Variants in MCM10 observed in about 807,000 individuals in gnomAD.
The protein encoded by MCM10 is minichromosome maintenance 10 replication initiation factor.
A neutral mutation model predicts 109.9 loss-of-function variants in MCM10; 91 were observed. The ratio of observed to expected loss-of-function variants is 0.83; its 90% CI spans 0.70 to 0.99. The LOEUF is 0.99. Among genes scored for constraint, MCM10 ranks in the 50% least tolerant of loss-of-function variants. The pLI is 0.00. For synonymous variants in MCM10, 380 were observed against 387.2 expected, an observed-to-expected ratio of 0.98 and a Z score of 0.22; for missense variants, 1,077 against 1,061.2, an observed-to-expected ratio of 1.01 and a Z score of -0.21.
Position 13,209,000 on chromosome 10 carries a change from G to A in MCM10, c.2499-91G>A. ...TTGAACAGCTTCTCCTTGAATGGGGGCCTACTCTCCCCAGGTGCAGTGAGC... is the reference window on the plus strand; with the variant it reads ...TTGAACAGCTTCTCCTTGAATGGGGACCTACTCTCCCCAGGTGCAGTGAGC... On this transcript the variant is annotated intron_variant, in intron 18 of 19. Transcript: ENST00000378714. The A allele has an allele frequency of 3.5e-6, 3 of 859,708 alleles. No homozygotes were observed. The South Asian group carries it at 4.1e-5, about 12-fold the overall frequency. 53.3% of individuals were successfully genotyped at this position (859,708 alleles called of 1,614,324 possible).
rs772965566 is a variant in MCM10 at position 13,192,282 on chromosome 10, C to T, written c.1544C>T (p.Ser515Phe). 2.5e-6 allele frequency: 4 copies of T among 1,614,126 alleles called. No homozygotes were observed. Among genetic ancestry groups the T allele is most frequent in the Non-Finnish European group, 3.4e-6 (4 of 1,179,958 alleles). ...LGIPQKSLSCSEEFKELMDLP... is the reference protein window; with the variant it reads ...LGIPQKSLSCFEEFKELMDLP... The stretch of plus-strand genomic sequence containing the variant: ...ATACCCCAGAAGAGCCTGTCTTGCT[C>T]TGAGGAGTTCAAGGAACTGATGGAC... The change falls in exon 12 of 20, where the codon TCT becomes TTT. Residue 515 changes from serine (S) to phenylalanine (F), a missense_variant. Physicochemically the swap from Ser to Phe is radical, Grantham distance 155. Coordinates refer to ENST00000378714, the MANE Select transcript of MCM10 (RefSeq NM_018518.5).
At chr10:13,204,849 A>C (rs1002966465) in intron 18 of MCM10, among the ~76,000 whole-genome samples, 2 of 152,040 alleles carry the variant, frequency 1.3e-5, no homozygotes, top group Admixed American at 6.6e-5. Context: ...AAATAGTGTC[A>C]TATTTGCATA....
At chr10:13,200,207 T>C (rs189304808) in intron 16 of MCM10, among the ~76,000 whole-genome samples, 9 of 152,090 alleles carry the variant, frequency 5.9e-5, no homozygotes, top group Middle Eastern at 3.4e-3. Context: ...TGCACAAATA[T>C]TGTAGGGTTG....
At chr10:13,193,639 A>G (rs1451771637) in intron 13 of MCM10, among the ~76,000 whole-genome samples, 1 of 152,156 alleles carries the variant, frequency 6.6e-6, no homozygotes, top group African/African-American at 2.4e-5. Flanking sequence ...ATTCTTTGGG[A>G]AAGTAAGAGA....
intron 2 of MCM10, among the ~76,000 whole-genome samples, chr10:13,168,230 G>A (rs1834027342): frequency 6.6e-6 from 1 of 152,222 alleles, no homozygotes; most frequent in African/African-American, 2.4e-5. Context: ...ACAGGGGGCT[G>A]CCTGGCCTCT....
chr10:13,182,234 G>A lies in MCM10; in HGVS notation c.931-699G>A, dbSNP rs1834218261. ...CACGTCTGTAACCCTAACGCTTTGA[G>A]AGGATGGGGTGGGAGGATCACTTGA... On this transcript the variant is annotated intron_variant, in intron 7 of 19. Coordinates refer to ENST00000378714, the MANE Select transcript of MCM10 (RefSeq NM_018518.5). The surrounding 1 kb of genome is among the most constrained non-coding windows in gnomAD (Gnocchi z 4.2). Among the ~76,000 whole-genome samples, 1 of 152,146 alleles carries A rather than the reference G, an allele frequency of 6.6e-6. No individual in the cohort carries two copies. The highest frequency in any genetic ancestry group is 1.5e-5 in the Non-Finnish European group (1 of 68,030).
At chr10:13,176,801 G>A (rs1361455326) in intron 6 of MCM10, among the ~76,000 whole-genome samples, 1 of 152,164 alleles carries the variant, frequency 6.6e-6, no homozygotes, top group African/African-American at 2.4e-5. Context: ...TGCTGAGGCA[G>A]GAAGTTCGCT....
intron 14 of MCM10, among the ~76,000 whole-genome samples, chr10:13,197,395 A>G (rs966323894): frequency 3.9e-5 from 6 of 152,210 alleles, no homozygotes; most frequent in East Asian, 1.9e-4. Context: ...CAAACTTGTT[A>G]TATTTAAATA....
At chr10:13,208,579 AAAAG>A (rs1834615786) in intron 18 of MCM10, among the ~76,000 whole-genome samples, 1 of 149,044 alleles carries the variant, frequency 6.7e-6, no homozygotes, top group Non-Finnish European at 1.5e-5. Flanking sequence ...AAAAAAAAAA[AAAAG>A]GAAAAGAAAA....
At chr10:13,175,787 A>G in intron 6 of MCM10, 106 bp downstream of exon 6, 2 of 781,414 alleles carry the variant, frequency 2.6e-6, no homozygotes, top group Non-Finnish European at 4.1e-6. Flanking sequence ...ACAAAACACC[A>G]GCAGCTCTTG....
chr10:13,203,594 G>A (rs1055830151), intron 17 of MCM10, among the ~76,000 whole-genome samples: 7 of 152,104 alleles, frequency 4.6e-5, no homozygotes, highest in African/African-American at 1.2e-4. Flanking sequence ...TCCAAGTGTC[G>A]AGTTATTGAT....
chr10:13,209,000 G>T, intron 18 of MCM10, 91 bp from the exon 19 acceptor site: 1 of 859,708 alleles, frequency 1.2e-6, no homozygotes, highest in Admixed American at 1.8e-5. Context: ...TTGAATGGGG[G>T]CCTACTCTCC....
intron 1 of MCM10, among the ~76,000 whole-genome samples, chr10:13,163,505 G>A (rs1009446911): frequency 6.6e-6 from 1 of 152,178 alleles, no homozygotes; most frequent in African/African-American, 2.4e-5. Context: ...ATACAACTTT[G>A]TCTTAATTAG....
chr10:13,191,683 T>G (rs562441794), intron 11 of MCM10, among the ~76,000 whole-genome samples: 1 of 152,286 alleles, frequency 6.6e-6, no homozygotes, highest in South Asian at 2.1e-4. Context: ...CGGTCTAACC[T>G]AAAGGAATCA....
intron 9 of MCM10, among the ~76,000 whole-genome samples, chr10:13,186,916 T>C (rs1356476884): frequency 1.3e-5 from 2 of 152,176 alleles, no homozygotes; most frequent in Non-Finnish European, 2.9e-5. Context: ...CACTTGAACC[T>C]GGAAGGCAGA....
intron 18 of MCM10, among the ~76,000 whole-genome samples, chr10:13,205,886 C>T (rs945435011): frequency 1.3e-5 from 2 of 152,110 alleles, no homozygotes; most frequent in African/African-American, 4.8e-5. Flanking sequence ...GCAGAGCTGC[C>T]GTGTTTGACA....
At chr10:13,205,225 C>T (rs1834564186) in intron 18 of MCM10, among the ~76,000 whole-genome samples, 1 of 151,928 alleles carries the variant, frequency 6.6e-6, no homozygotes. Flanking sequence ...ATTATTCCGC[C>T]TTCTGTGTCC....
intron 18 of MCM10, among the ~76,000 whole-genome samples, chr10:13,206,547 C>A (rs939047458): frequency 6.6e-6 from 1 of 152,190 alleles, no homozygotes; most frequent in Non-Finnish European, 1.5e-5. Context: ...TTACCAGGAG[C>A]TGGCTTGCCA....
rs1834222613 is a variant in MCM10, at chr10:13,182,606, G to C, written c.931-327G>C. On this transcript the variant is annotated intron_variant, in intron 7 of 19. Coordinates refer to ENST00000378714, the MANE Select transcript of MCM10 (RefSeq NM_018518.5). The surrounding 1 kb of genome is among the most constrained non-coding windows in gnomAD (Gnocchi z 4.2). ...TTCCACTGTCCTTTTAATGATGTGTGTGTGTGTCTCTGTGTCATTAGAAAG... is the reference window on the plus strand; with the variant it reads ...TTCCACTGTCCTTTTAATGATGTGTCTGTGTGTCTCTGTGTCATTAGAAAG... 6.6e-6 allele frequency among the ~76,000 whole-genome samples: 1 copy of C among 152,112 alleles called. No homozygotes were observed. Among genetic ancestry groups the C allele is most frequent in the Non-Finnish European group, 1.5e-5 (1 of 68,030 alleles).
Sources: allele counts gnomAD v4.1 joint callset (sites outside exome capture counted in the v4.1 genomes callset), GRCh38; gene constraint gnomAD v4.1.1; non-coding constraint Gnocchi (gnomAD v3.1); transcripts MANE v1.5; gene names NCBI Gene and HGNC (gene_info 2026-07-23, HGNC 2026-07-21).